The following RAB43 variants were observed in gnomAD, a reference collection of about 807,000 sequenced individuals.
RAB43 encodes ras-related protein Rab-43.
In RAB43, 6 loss-of-function variants were observed where a neutral mutation model predicts 18.8. The ratio of observed to expected loss-of-function variants is 0.32; its 90% CI spans 0.17 to 0.63. The LOEUF is 0.63. RAB43 is among the 30% of genes least tolerant of loss of function. The probability of loss-of-function intolerance (pLI) is 0.79; values close to 1 mark genes in which losing one functional copy is unlikely to be tolerated. For synonymous variants in RAB43, 103 were observed against 124.1 expected (o/e 0.83, Z 1.13); for missense variants, 195 against 289.1 (o/e 0.67, Z 2.36).
At chr3:129,118,146 C>T (rs180701059) in intron 1 of RAB43, among the ~76,000 whole-genome samples, 1 of 152,192 alleles carries the variant, frequency 6.6e-6, no homozygotes, top group East Asian at 1.9e-4. Flanking sequence ...GGAAGAGATG[C>T]AAAGGTCCTG....
intron 1 of RAB43, among the ~76,000 whole-genome samples, chr3:129,115,637 T>C (rs1446769277): frequency 6.6e-6 from 1 of 152,084 alleles, no homozygotes; most frequent in Non-Finnish European, 1.5e-5. Context: ...CTGGCCAACA[T>C]GGTGAAACCC....
chr3:129,109,871 CT>C (rs202101532), intron 1 of RAB43, among the ~76,000 whole-genome samples: 2 of 149,608 alleles, frequency 1.3e-5, no homozygotes, highest in African/African-American at 2.5e-5. Flanking sequence ...TTGTCTTTTC[CT>C]TTTTTTTTGT....
chr3:129,108,545 G>C (rs1198791236), intron 1 of RAB43, among the ~76,000 whole-genome samples: 1 of 152,166 alleles, frequency 6.6e-6, no homozygotes, highest in Admixed American at 6.5e-5. Context: ...GGAGAGAGCA[G>C]GTACCTAAGG....
chr3:129,121,014 C>T (rs1166598291), intron 1 of RAB43, among the ~76,000 whole-genome samples: 1 of 151,598 alleles, frequency 6.6e-6, no homozygotes, highest in African/African-American at 2.4e-5. Flanking sequence ...GGAGCACAGT[C>T]CCCTCCTAGG....
chr3:129,093,596 G>A (rs375910231), intron 2 of RAB43, among the ~76,000 whole-genome samples: 55 of 151,490 alleles, frequency 3.6e-4, no homozygotes, highest in African/African-American at 1.2e-3. Context: ...GCGACAGAGC[G>A]AGACTCCGTC....
chr3:129,095,072 G>T lies in RAB43; in HGVS notation c.302C>A (p.Thr101Asn). The T allele has an allele frequency of 6.2e-7, 1 of 1,614,072 alleles. No individual in the cohort carries two copies. Among genetic ancestry groups the T allele is most frequent in the Non-Finnish European group, 8.5e-7 (1 of 1,179,938 alleles). The change falls in exon 2 of 3, where the codon ACC (threonine) becomes AAC (asparagine). Residue 101 changes from threonine to asparagine, a missense_variant. By Grantham distance (65) the Thr-to-Asn change is moderately conservative (BLOSUM62 0). Transcript: ENST00000315150. The surrounding 1 kb of genome is among the most constrained non-coding windows in gnomAD (Gnocchi z 4.2). The part of the protein sequence containing the change: ...ANGAILAYDI[T>N]KRSSFLSVPH... ...CACCGACAGGAAGGAGCTCCTCTTG[G>T]TGATGTCGTAGGCAAGGATGGCCCC...
chr3:129,121,515 C>T lies in RAB43; in HGVS notation c.-26G>A, dbSNP rs781152646. 3 of 1,563,796 alleles carry T rather than the reference C, an allele frequency of 1.9e-6. No individual in the cohort carries two copies. Among genetic ancestry groups the T allele is most frequent in the East Asian group, 2.3e-5 (1 of 42,748 alleles). On this transcript the variant is annotated 5_prime_UTR_variant, in exon 1 of 3. Transcript: ENST00000315150. ...GGCCTAGAAGAAGCCGAAGGGCCGG[C>T]GCTCTGGACGCTGGGACCGGCCTGA...
chr3:129,114,744 G>A (rs1935412444), intron 1 of RAB43, among the ~76,000 whole-genome samples: 1 of 152,152 alleles, frequency 6.6e-6, no homozygotes, highest in East Asian at 1.9e-4. Context: ...TGGATATCCT[G>A]AGTCACAGCA....
chr3:129,100,085 C>G (rs965869790), intron 1 of RAB43, among the ~76,000 whole-genome samples: 1 of 151,818 alleles, frequency 6.6e-6, no homozygotes, highest in Non-Finnish European at 1.5e-5. Context: ...GTCAAAATGA[C>G]AGAAAACAAG....
intron 1 of RAB43, among the ~76,000 whole-genome samples, chr3:129,104,282 C>G (rs1210078503): frequency 1.3e-5 from 2 of 152,322 alleles, no homozygotes; most frequent in South Asian, 2.1e-4. Flanking sequence ...TCCCCCACCC[C>G]CAAGCTCTCC....
At position 129,095,554 on chromosome 3, in the gene RAB43, G is replaced by A. The variant is rs561899403; in HGVS notation, c.205-385C>T. ...CTCCAGGTGCACTGCACGGCCAGCA[G>A]TAGGCACGGCCAGGTACCCTCCCCT... On this transcript the variant is annotated intron_variant, in intron 1 of 2. Transcript: ENST00000315150. The surrounding 1 kb of genome is among the most constrained non-coding windows in gnomAD (Gnocchi z 4.2). Among the ~76,000 whole-genome samples, 3 of 152,346 alleles carry A rather than the reference G, an allele frequency of 2.0e-5. No homozygotes were observed. The South Asian group carries it at 6.2e-4, about 32-fold the overall frequency.
rs1935938185 is a variant in RAB43 at position 129,121,585 on chromosome 3, G to A, written c.-96C>T. 9.5e-7 allele frequency: 1 copy of A among 1,050,848 alleles called. No homozygotes were observed. The highest frequency in any genetic ancestry group is 1.3e-6 in the Non-Finnish European group (1 of 754,594). The allele number at this position is 1,050,848 out of a possible 1,614,324, so 65.1% of individuals were successfully genotyped here. A position where few individuals can be genotyped will look rare whatever the true frequency, so the allele number is the denominator to read the frequency against. ...CGAGCTCCGCCCGCTCCAGCCCACG[G>A]GCCGCCTGGCTACGTGGAGCCGCCG... is the stretch of plus-strand genomic sequence containing the variant. On this transcript the variant is annotated 5_prime_UTR_variant, in exon 1 of 3. Coordinates refer to ENST00000315150, the MANE Select transcript of RAB43 (RefSeq NM_198490.3).
At chr3:129,120,227 T>A (rs1266499789) in intron 1 of RAB43, among the ~76,000 whole-genome samples, 1 of 152,084 alleles carries the variant, frequency 6.6e-6, no homozygotes, top group Non-Finnish European at 1.5e-5. Flanking sequence ...CCAGAAATTA[T>A]CCCAATTTTA....
chr3:129,113,748 G>A (rs1198349240), intron 1 of RAB43, among the ~76,000 whole-genome samples: 9 of 152,164 alleles, frequency 5.9e-5, no homozygotes, highest in African/African-American at 2.2e-4. Context: ...CTGATATGTG[G>A]CCAGGCGCAG....
At chr3:129,091,695 A>G (rs1933667857) in intron 2 of RAB43, among the ~76,000 whole-genome samples, 1 of 151,940 alleles carries the variant, frequency 6.6e-6, no homozygotes, top group Non-Finnish European at 1.5e-5. Context: ...TTGCTCCTTG[A>G]CCCAATTTCT....
At chr3:129,098,019 A>T (rs1426028621) in intron 1 of RAB43, among the ~76,000 whole-genome samples, 2 of 152,092 alleles carry the variant, frequency 1.3e-5, no homozygotes, top group African/African-American at 4.8e-5. Context: ...AGAAGACATA[A>T]GTAGGGGGAG....
chr3:129,092,528 A>G, intron 2 of RAB43: 1 of 700,008 alleles, frequency 1.4e-6, no homozygotes, highest in South Asian at 1.5e-5. Flanking sequence ...TTGGAGGTTG[A>G]GGCAGGAGGA....
intron 1 of RAB43, among the ~76,000 whole-genome samples, chr3:129,102,743 A>C (rs1397843951): frequency 6.6e-6 from 1 of 152,112 alleles, no homozygotes; most frequent in Non-Finnish European, 1.5e-5. Flanking sequence ...ACTATATTCC[A>C]AAAGAGGAGG....
intron 2 of RAB43, among the ~76,000 whole-genome samples, chr3:129,092,812 C>T (rs1421640270): frequency 1.3e-5 from 2 of 151,292 alleles, no homozygotes; most frequent in African/African-American, 2.4e-5. Context: ...AAAAATTAGC[C>T]AGGCATGGTG....
Sources: gnomAD v4.1 joint callset for allele counts (sites outside exome capture counted in the v4.1 genomes callset) on GRCh38, gnomAD v4.1.1 for gene constraint, Gnocchi (gnomAD v3.1) non-coding constraint, MANE v1.5 for transcripts, NCBI Gene and HGNC (gene_info 2026-07-23, HGNC 2026-07-21) for gene names.